HMMR: variants seen among roughly 807,000 people sequenced by gnomAD.
HMMR encodes hyaluronan mediated motility receptor.
In HMMR, 108 loss-of-function variants were observed where a neutral mutation model predicts 101.0. The observed-to-expected ratio is 1.07, with a 90% CI of 0.92 to 1.25. The LOEUF (loss-of-function observed/expected upper bound fraction) is 1.25, where lower values mean the gene tolerates loss of function less well. HMMR is among the 50% of genes most tolerant of loss of function. The pLI is 0.00. For synonymous variants in HMMR, 296 were observed against 276.4 expected (o/e 1.07, Z -0.70); for missense variants, 813 against 788.7 (o/e 1.03, Z -0.37).
At chr5:163,484,384 G>A (rs1012279878) in intron 16 of HMMR, 139 bp downstream of exon 16, 2 of 539,964 alleles carry the variant, frequency 3.7e-6, no homozygotes, top group Admixed American at 3.9e-5. Context: ...TGATTTAGTG[G>A]ATTTATTTTA....
At position 163,491,082 on chromosome 5, in the gene HMMR, A is replaced by G. The variant is rs749143342; in HGVS notation, c.2126-30A>G. ...GGATAAATTCGTTTTAATCTAGATT[A>G]CTAATCCTTCTTTTCAATAATTCTT... On this transcript the variant is annotated intron_variant, in intron 17 of 17. Coordinates refer to ENST00000393915, the MANE Select transcript of HMMR (RefSeq NM_001142556.2). The G allele has an allele frequency of 7.2e-6, 10 of 1,389,420 alleles. No homozygotes were observed. In the East Asian group the frequency reaches 1.5e-4, roughly 20 times the overall value. The allele number at this position is 1,389,420 out of a possible 1,614,324, so 86.1% of individuals were successfully genotyped here.
intron 11 of HMMR, 64 bp from the exon 12 acceptor site, chr5:163,478,620 A>G (rs1338295193): frequency 5.5e-6 from 5 of 916,192 alleles, no homozygotes; most frequent in East Asian, 4.8e-5. Context: ...GGTAAATACT[A>G]TTTTCTTTCT....
chr5:163,466,866 G>A (rs938690216), intron 3 of HMMR, among the ~76,000 whole-genome samples: 6 of 152,190 alleles, frequency 3.9e-5, no homozygotes, highest in African/African-American at 1.4e-4. Context: ...TTATTGGGCA[G>A]GACTATTATA....
intron 10 of HMMR, among the ~76,000 whole-genome samples, chr5:163,474,787 T>G (rs1419635471): frequency 1.3e-5 from 2 of 152,094 alleles, no homozygotes; most frequent in Non-Finnish European, 2.9e-5. Context: ...CAACAGGTAC[T>G]TACATGCACT....
chr5:163,483,057 G>A lies in HMMR; in HGVS notation c.1570G>A (p.Glu524Lys). ...TCTGCAGACCAAGTCAGCACTAAAG[G>A]AAACAGAAATTAAAGAAATCACAGT... ...LDLQTKSALK[E>K]TEIKEITVSF... The change falls in exon 14 of 18, where the codon GAA becomes AAA. Residue 524 changes from glutamate to lysine, a missense_variant. Physicochemically the swap from Glu to Lys is moderately conservative, Grantham distance 56. Coordinates refer to ENST00000393915, the MANE Select transcript of HMMR (RefSeq NM_001142556.2). 6.2e-7 allele frequency: 1 copy of A among 1,612,252 alleles called. No homozygotes were observed.
In HMMR at chr5:163,483,172, GGT is replaced by G; in HGVS notation, c.1685+1_1685+2del. ...AAACAGCTGGAAGATGAAGAAGGAA[GGT>G]AATCTATGATTAGAACCTGAGTGCC... On this transcript the variant is annotated splice_donor_variant, in intron 14 of 17. Transcript: ENST00000393915. LOFTEE classifies it high-confidence loss of function. The G allele has an allele frequency of 6.2e-7, 1 of 1,607,904 alleles. No individual in the cohort carries two copies. Among genetic ancestry groups the G allele is most frequent in the African/African-American group, 1.3e-5 (1 of 74,408 alleles).
At chr5:163,468,465 C>CT (rs975556531) in intron 4 of HMMR, among the ~76,000 whole-genome samples, 1 of 152,058 alleles carries the variant, frequency 6.6e-6, no homozygotes, top group African/African-American at 2.4e-5. Flanking sequence ...TCTCTGCAGT[C>CT]TTTTTTTTCT....
chr5:163,473,593 A>G, intron 9 of HMMR, 36 bp downstream of exon 9: 1 of 1,314,750 alleles, frequency 7.6e-7, no homozygotes, highest in Non-Finnish European at 1.0e-6. Flanking sequence ...TGTTTAGATA[A>G]GTGTTACATA....
intron 10 of HMMR, among the ~76,000 whole-genome samples, chr5:163,474,753 A>C (rs531618538): frequency 6.6e-6 from 1 of 152,202 alleles, no homozygotes; most frequent in African/African-American, 2.4e-5. Flanking sequence ...ATTTGATAAC[A>C]CAAAATACTG....
intron 3 of HMMR, among the ~76,000 whole-genome samples, chr5:163,467,293 C>A (rs1758734950): frequency 6.6e-6 from 1 of 152,128 alleles, no homozygotes; most frequent in Non-Finnish European, 1.5e-5. Context: ...GTTTTTATTT[C>A]TTTGCATCTG....
At chr5:163,474,770 G>A (rs1238750058) in intron 10 of HMMR, among the ~76,000 whole-genome samples, 1 of 152,060 alleles carries the variant, frequency 6.6e-6, no homozygotes, top group East Asian at 1.9e-4. Flanking sequence ...ACTGGTGAGA[G>A]TTAAGCCAAC....
chr5:163,466,383 C>T (rs1485945918), intron 3 of HMMR, among the ~76,000 whole-genome samples: 3 of 152,232 alleles, frequency 2.0e-5, no homozygotes, highest in Non-Finnish European at 4.4e-5. Flanking sequence ...GCCTAAGCCT[C>T]ATATTCTGTA....
intron 1 of HMMR, among the ~76,000 whole-genome samples, chr5:163,461,440 G>A (rs1037542878): frequency 2.0e-5 from 3 of 152,056 alleles, no homozygotes; most frequent in Non-Finnish European, 4.4e-5. Flanking sequence ...TCTTAACACC[G>A]CAATGCACAG....
rs369013793 is a variant in HMMR at position 163,469,655 on chromosome 5, A to G, written c.288A>G (p.Leu96=). The G allele has an allele frequency of 1.2e-6, 2 of 1,611,796 alleles. No homozygotes were observed. The highest frequency in any genetic ancestry group is 1.7e-6 in the Non-Finnish European group (2 of 1,179,358). Residue 96 remains leucine (L), a synonymous_variant, in exon 5 of 18, where the codon CTA becomes CTG. Coordinates refer to ENST00000393915, the MANE Select transcript of HMMR (RefSeq NM_001142556.2). ...TTTTTGTCCAGATTCGTGTTCTTCT[A>G]CAGGAACGTGGTGCCCAGGACAGGC... ...KILEKEIRVL[L]QERGAQDRRI... is the part of the protein sequence containing the mutation.
chr5:163,472,049 TA>T (rs1406754111), intron 7 of HMMR, among the ~76,000 whole-genome samples: 15 of 147,432 alleles, frequency 1.0e-4, no homozygotes, highest in Middle Eastern at 3.4e-3. Flanking sequence ...TTATTATTAT[TA>T]TTTATTTTTT....
chr5:163,483,084 T>C lies in HMMR; in HGVS notation c.1597T>C (p.Ser533Pro), dbSNP rs1255050478. 6.2e-7 allele frequency: 1 copy of C among 1,612,478 alleles called. No individual in the cohort carries two copies. Among genetic ancestry groups the C allele is most frequent in the Admixed American group, 1.7e-5 (1 of 59,836 alleles). The stretch of plus-strand genomic sequence containing the variant: ...AACAGAAATTAAAGAAATCACAGTT[T>C]CTTTTCTTCAAAAAATAACTGATTT... ...KETEIKEITVSFLQKITDLQN... is the reference protein window; with the variant it reads ...KETEIKEITVPFLQKITDLQN... The change falls in exon 14 of 18, where the codon TCT (serine) becomes CCT (proline). Residue 533 changes from serine (S) to proline (P), a missense_variant. Transcript: ENST00000393915.
intron 7 of HMMR, among the ~76,000 whole-genome samples, chr5:163,472,961 T>G (rs1432034794): frequency 6.6e-6 from 1 of 152,196 alleles, no homozygotes; most frequent in East Asian, 1.9e-4. Context: ...TAGGTTTTTT[T>G]GTCAGTATAT....
rs760896687 is a variant in HMMR, at chr5:163,464,774, C to G, written c.197C>G (p.Ala66Gly). The part of the protein sequence containing the change: ...VDKDTTLPAS[A>G]RKVKSSESKK... ...AAAGATACTACCTTGCCTGCTTCAG[C>G]TAGAAAAGTTAAGTCTTCGGAATCA... The change falls in exon 3 of 18, where the codon GCT becomes GGT. Residue 66 changes from alanine to glycine, a missense_variant. Physicochemically the swap from Ala to Gly is moderately conservative, Grantham distance 60. Coordinates refer to ENST00000393915, the MANE Select transcript of HMMR (RefSeq NM_001142556.2). 6.2e-7 allele frequency: 1 copy of G among 1,612,656 alleles called. No individual in the cohort carries two copies. Among genetic ancestry groups the G allele is most frequent in the Non-Finnish European group, 8.5e-7 (1 of 1,178,906 alleles).
rs1758613604 is a variant in HMMR at position 163,463,753 on chromosome 5, G to T, written c.47-103G>T. On this transcript the variant is annotated intron_variant, in intron 1 of 17. Coordinates refer to ENST00000393915, the MANE Select transcript of HMMR (RefSeq NM_001142556.2). ...TTTTTACATTTAAAAAAAGCAGTTT[G>T]TTAATGACATTTTTACATTTATATT... is the stretch of plus-strand genomic sequence containing the variant. 8.4e-6 allele frequency: 4 copies of T among 478,424 alleles called. No homozygotes were observed. The East Asian group carries it at 1.5e-4, about 17-fold the overall frequency. 29.6% of individuals were successfully genotyped at this position (478,424 alleles called of 1,614,324 possible).
Sources: allele counts gnomAD v4.1 joint callset (sites outside exome capture counted in the v4.1 genomes callset), GRCh38; gene constraint gnomAD v4.1.1; transcripts MANE v1.5; gene names NCBI Gene and HGNC (gene_info 2026-07-23, HGNC 2026-07-21).